Variants in EPHA6 observed in about 807,000 individuals in gnomAD.
The protein encoded by EPHA6 is ephrin type-A receptor 6.
A neutral mutation model predicts 112.0 loss-of-function variants in EPHA6; 50 were observed. That is an observed-to-expected ratio of 0.45 (90% CI 0.36 to 0.56). The LOEUF is 0.56. EPHA6 is among the 20% of genes least tolerant of loss of function. The pLI is 0.00. For synonymous variants in EPHA6, 529 were observed against 490.7 expected (o/e 1.08, Z -1.03); for missense variants, 1,280 against 1,417.4 (o/e 0.90, Z 1.56).
chr3:97,217,967 T>C (rs898734855), intron 3 of EPHA6, among the ~76,000 whole-genome samples: 2 of 152,190 alleles, frequency 1.3e-5, no homozygotes, highest in African/African-American at 2.4e-5. Flanking sequence ...CATATACTTA[T>C]ATAATCATTT....
chr3:97,157,847 A>G (rs989745400), intron 3 of EPHA6, among the ~76,000 whole-genome samples: 2 of 152,146 alleles, frequency 1.3e-5, no homozygotes, highest in African/African-American at 2.4e-5. Flanking sequence ...TACTCAGTCT[A>G]CTGATTCAAA....
intron 3 of EPHA6, among the ~76,000 whole-genome samples, chr3:97,091,709 G>T (rs766845441): frequency 6.6e-6 from 1 of 152,046 alleles, no homozygotes; most frequent in Non-Finnish European, 1.5e-5. Context: ...TATTTAGTGT[G>T]GACCCACTAT....
chr3:97,148,604 C>A (rs1396497636), intron 3 of EPHA6, among the ~76,000 whole-genome samples: 1 of 152,008 alleles, frequency 6.6e-6, no homozygotes, highest in Non-Finnish European at 1.5e-5. Context: ...CTTTTATGAT[C>A]ACACTACTGT....
intron 1 of EPHA6, among the ~76,000 whole-genome samples, chr3:96,852,062 T>C (rs1332503381): frequency 6.6e-6 from 1 of 152,166 alleles, no homozygotes; most frequent in Admixed American, 6.5e-5. Context: ...GTTTCATCAT[T>C]ATTAATGGTG....
At chr3:96,848,922 A>G (rs2035232958) in intron 1 of EPHA6, among the ~76,000 whole-genome samples, 1 of 152,148 alleles carries the variant, frequency 6.6e-6, no homozygotes, top group South Asian at 2.1e-4. Flanking sequence ...ATACAAAATT[A>G]CAGTCATAGA....
intron 11 of EPHA6, among the ~76,000 whole-genome samples, chr3:97,589,498 C>T (rs139074577): frequency 3.7e-4 from 56 of 152,156 alleles, no homozygotes; most frequent in Non-Finnish European, 7.6e-4. Flanking sequence ...TACAGTATTT[C>T]TCAGTGGGTA....
intron 3 of EPHA6, among the ~76,000 whole-genome samples, chr3:97,012,607 G>GTGTATATATA (rs368002096): frequency 7.6e-6 from 1 of 132,092 alleles, no homozygotes; most frequent in African/African-American, 3.1e-5. Flanking sequence ...GTGTGTGTGT[G>GTGTATATATA]TATATATATA....
intron 1 of EPHA6, among the ~76,000 whole-genome samples, chr3:96,865,767 G>A (rs2036274518): frequency 6.7e-6 from 1 of 149,412 alleles, no homozygotes; most frequent in African/African-American, 2.5e-5. Flanking sequence ...AATTAATGAT[G>A]TGGTACCAAA....
At chr3:97,209,663 T>A (rs1365751594) in intron 3 of EPHA6, among the ~76,000 whole-genome samples, 2 of 152,220 alleles carry the variant, frequency 1.3e-5, no homozygotes, top group Admixed American at 1.3e-4. Flanking sequence ...TACATTATTT[T>A]CCTGTCCTAT....
At chr3:97,329,944 G>C (rs1368689139) in intron 5 of EPHA6, among the ~76,000 whole-genome samples, 1 of 152,066 alleles carries the variant, frequency 6.6e-6, no homozygotes, top group Non-Finnish European at 1.5e-5. Flanking sequence ...GGTTTTTATG[G>C]TTTTAGGTAT....
At chr3:97,411,419 T>G (rs541885852) in intron 6 of EPHA6, among the ~76,000 whole-genome samples, 3 of 152,204 alleles carry the variant, frequency 2.0e-5, no homozygotes, top group African/African-American at 7.2e-5. Context: ...TGCAAACACA[T>G]GAAAATTACA....
At chr3:96,999,010 C>CTTTGTTACA (rs1325259971) in intron 3 of EPHA6, among the ~76,000 whole-genome samples, 31 of 151,810 alleles carry the variant, frequency 2.0e-4, no homozygotes, top group Non-Finnish European at 2.8e-4. Context: ...TTTCTGCCTA[C>CTTTGTTACA]TTTGTTACAT....
chr3:97,632,617 C>T (rs969243744), intron 13 of EPHA6, among the ~76,000 whole-genome samples: 4 of 151,818 alleles, frequency 2.6e-5, no homozygotes, highest in South Asian at 2.1e-4. Context: ...AGAGATAATA[C>T]GAGTCACAAA....
intron 5 of EPHA6, among the ~76,000 whole-genome samples, chr3:97,288,782 CAT>C (rs3068247): frequency 0.073 from 11,075 of 151,898 alleles, 781 homozygotes; most frequent in Admixed American, 0.21. Context: ...ACTGGTGTAA[CAT>C]AGTATCTCAT....
intron 3 of EPHA6, among the ~76,000 whole-genome samples, chr3:97,021,436 C>G (rs1559674684): frequency 1.3e-5 from 2 of 152,112 alleles, no homozygotes; most frequent in African/African-American, 2.4e-5. Flanking sequence ...TTAGAACTCT[C>G]GAAATTTCTT....
At chr3:97,521,820 G>C (rs1342459189) in intron 10 of EPHA6, among the ~76,000 whole-genome samples, 6 of 151,290 alleles carry the variant, frequency 4.0e-5, no homozygotes, top group African/African-American at 1.5e-4. Context: ...GTGAGTTTAG[G>C]TCTCATGCCC....
chr3:97,336,927 G>A (rs2083084836), intron 5 of EPHA6, among the ~76,000 whole-genome samples: 1 of 151,298 alleles, frequency 6.6e-6, no homozygotes, highest in Non-Finnish European at 1.5e-5. Flanking sequence ...AGATTATCTG[G>A]GATGCCGCTA....
At chr3:97,388,052 GC>G (rs1435302940) in intron 5 of EPHA6, among the ~76,000 whole-genome samples, 2 of 152,138 alleles carry the variant, frequency 1.3e-5, no homozygotes, top group African/African-American at 4.8e-5. Flanking sequence ...AATGAAGTCT[GC>G]CCCCATGATT....
intron 5 of EPHA6, among the ~76,000 whole-genome samples, chr3:97,252,101 C>A (rs1418817893): frequency 6.6e-6 from 1 of 152,142 alleles, no homozygotes; most frequent in Non-Finnish European, 1.5e-5. Context: ...ACCTCCTGTT[C>A]CCAAGTGTGT....
Sources: allele counts gnomAD v4.1 joint callset (sites outside exome capture counted in the v4.1 genomes callset), GRCh38; gene constraint gnomAD v4.1.1; transcripts MANE v1.5; gene names NCBI Gene and HGNC (gene_info 2026-07-23, HGNC 2026-07-21).